The following ANKZF1 variants were observed in gnomAD, a reference collection of about 807,000 sequenced individuals.
ANKZF1 encodes the protein ankyrin repeat and zinc finger peptidyl tRNA hydrolase 1, also known as tRNA endonuclease ANKZF1.
Under a neutral mutation model 86.0 loss-of-function variants are expected in ANKZF1, and 84 were observed. The observed-to-expected ratio is 0.98, with a 90% confidence interval of 0.82 to 1.17. The LOEUF is 1.17. Ranked by LOEUF, ANKZF1 falls within the 50% of genes most tolerant of loss-of-function variation. The pLI, the probability that ANKZF1 is intolerant of heterozygous loss-of-function variation, is 0.00. For missense variants in ANKZF1, 893 were observed against 918.4 expected (o/e 0.97, Z 0.36); for synonymous variants, 331 against 354.2 (o/e 0.93, Z 0.74).
At position 219,234,211 on chromosome 2, in the gene ANKZF1, C is replaced by T; in HGVS notation, c.1127C>T (p.Pro376Leu). 6.2e-7 allele frequency: 1 copy of T among 1,614,066 alleles called. No homozygotes were observed. Among genetic ancestry groups the T allele is most frequent in the Non-Finnish European group, 8.5e-7 (1 of 1,180,022 alleles). ...ACAGTAAGAGAGGAGAGAAAGAAGC[C>T]TACTGAGGAAGAAATAAGAAAGATC... Reference protein sequence around the residue: ...WKTVREERKKPTEEEIRKICR... With the variant: ...WKTVREERKKLTEEEIRKICR... Residue 376 changes from proline (P) to leucine (L), a missense_variant, in exon 9 of 14, where the codon CCT becomes CTT. Physicochemically the swap from Pro to Leu is moderately conservative, Grantham distance 98. Coordinates refer to ENST00000323348, the MANE Select transcript of ANKZF1 (RefSeq NM_018089.3).
At chr2:219,233,657 T>G (rs993698997) in intron 7 of ANKZF1, 58 bp from the exon 8 acceptor site, 6 of 1,533,008 alleles carry the variant, frequency 3.9e-6, no homozygotes, top group Non-Finnish European at 5.3e-6. Flanking sequence ...TTTTTTTTAG[T>G]TGGAGATTTA....
At chr2:219,230,002 T>G in intron 1 of ANKZF1, 102 bp downstream of exon 1, 1 of 398,328 alleles carries the variant, frequency 2.5e-6, no homozygotes, top group Non-Finnish European at 4.5e-6. Flanking sequence ...GATTTTTAAC[T>G]CTGTTGGACT....
Position 219,230,408 on chromosome 2 carries a change from A to G in ANKZF1, c.148+3A>G, listed in dbSNP as rs1553563489. 21 of 1,601,856 alleles carry G rather than the reference A, an allele frequency of 1.3e-5. No homozygotes were observed. Among genetic ancestry groups the G allele is most frequent in the Non-Finnish European group, 1.6e-5 (19 of 1,171,058 alleles). ...GGCTCCGCGTACTTCCTGTTCAGGT[A>G]TCCTGGAAGGTTTCGTGTGAAACGT... On this transcript the variant is annotated splice_donor_region_variant and intron_variant, in intron 2 of 13. Coordinates refer to ENST00000323348, the MANE Select transcript of ANKZF1 (RefSeq NM_018089.3).
chr2:219,230,430 A>G (rs758786412), intron 2 of ANKZF1, 25 bp downstream of exon 2: 1 of 1,589,994 alleles, frequency 6.3e-7, no homozygotes, highest in Admixed American at 1.7e-5. Context: ...TTCGTGTGAA[A>G]CGTGACAGGG....
At chr2:219,230,035 T>C (rs1950981417) in intron 1 of ANKZF1, 135 bp downstream of exon 1, 2 of 482,556 alleles carry the variant, frequency 4.1e-6, no homozygotes, top group Non-Finnish European at 7.3e-6. Flanking sequence ...CGAATGCCTA[T>C]TTCATTCTTT....
rs745427557 is a variant in ANKZF1, at chr2:219,233,477, T to C, written c.819+44T>C. ...ATCTGGTGGTACTGATCCATACTTTTTTTGCATCTCTGTTCAACTCACTGT... is the reference window on the plus strand; with the variant it reads ...ATCTGGTGGTACTGATCCATACTTTCTTTGCATCTCTGTTCAACTCACTGT... On this transcript the variant is annotated intron_variant, in intron 7 of 13. Coordinates refer to ENST00000323348, the MANE Select transcript of ANKZF1 (RefSeq NM_018089.3). 2.2e-5 allele frequency: 33 copies of C among 1,534,632 alleles called. 1 individual carries two copies. The South Asian group carries it at 3.9e-4, about 18-fold the overall frequency.
At chr2:219,236,252 G>C in intron 13 of ANKZF1, 70 bp from the exon 14 acceptor site, 1 of 1,610,570 alleles carries the variant, frequency 6.2e-7, no homozygotes, top group East Asian at 2.2e-5. Flanking sequence ...GGCAGGAGGA[G>C]GGACGGGGAG....
rs376160430 is a variant in ANKZF1 at position 219,233,794 on chromosome 2, G to A, written c.899G>A (p.Arg300His). The A allele has an allele frequency of 2.8e-5, 46 of 1,614,076 alleles. No individual in the cohort carries two copies. Among genetic ancestry groups the A allele is most frequent in the African/African-American group, 4.0e-5 (3 of 75,050 alleles). Residue 300 changes from arginine to histidine, a missense_variant, in exon 8 of 14, where the codon CGC becomes CAC. Coordinates refer to ENST00000323348, the MANE Select transcript of ANKZF1 (RefSeq NM_018089.3). ...EAGTILLRAP[R>H]SGRSLFFGGK... ...GGTACAATACTGTTGCGTGCTCCCC[G>A]CTCTGGCCGGTCTTTGTTCTTTGGA...
At chr2:219,235,924 A>AC in intron 12 of ANKZF1, 49 bp downstream of exon 12, 1 of 1,613,772 alleles carries the variant, frequency 6.2e-7, no homozygotes, top group Non-Finnish European at 8.5e-7. Context: ...TAGAGGTCTA[A>AC]CCCCTTCCCC....
chr2:219,229,955 A>T lies in ANKZF1; in HGVS notation c.-31+55A>T, dbSNP rs1033653867. The T allele has an allele frequency of 1.8e-5, 5 of 283,198 alleles. No individual in the cohort carries two copies. Among genetic ancestry groups the T allele is most frequent in the Non-Finnish European group, 3.4e-5 (5 of 149,214 alleles). 17.5% of individuals were successfully genotyped at this position (283,198 alleles called of 1,614,324 possible). ...ACGCGGGCCAGTTGTTGCTGGTCGC[A>T]TGGGTAACGAAGAAAGTTCGGCTAG... On this transcript the variant is annotated intron_variant, in intron 1 of 13. Transcript: ENST00000323348. The surrounding 1 kb of genome is among the most constrained non-coding windows in gnomAD (Gnocchi z 4.2).
intron 9 of ANKZF1, chr2:219,234,577 G>C: frequency 1.5e-6 from 1 of 653,094 alleles, no homozygotes; most frequent in Non-Finnish European, 2.6e-6. Flanking sequence ...GAGGCTGAGG[G>C]CTGCTTCCAT....
In ANKZF1 at chr2:219,233,201, T is replaced by C; in HGVS notation, c.671+10T>C. 1 of 1,614,132 alleles carries C rather than the reference T, an allele frequency of 6.2e-7. No homozygotes were observed. Among genetic ancestry groups the C allele is most frequent in the Non-Finnish European group, 8.5e-7 (1 of 1,180,000 alleles). On this transcript the variant is annotated intron_variant, in intron 6 of 13. Transcript: ENST00000323348. ...GTGCTATATTTCAAGGGTGAGAGGG[T>C]GCTGCATGGGGGTAAGGATGGAGTG... is the stretch of plus-strand genomic sequence containing the variant.
rs965683702 is a variant in ANKZF1 at position 219,236,523 on chromosome 2, C to T, written c.*78C>T. On this transcript the variant is annotated 3_prime_UTR_variant, in exon 14 of 14. Coordinates refer to ENST00000323348, the MANE Select transcript of ANKZF1 (RefSeq NM_018089.3). Reference sequence around the variant, plus strand: ...CAGCAGCCCTAGGTTTTTTCTTCCCCGTGAAACCAGAGATGATTTGGAAGA... The same window carrying T: ...CAGCAGCCCTAGGTTTTTTCTTCCCTGTGAAACCAGAGATGATTTGGAAGA... 29 of 1,495,218 alleles carry T rather than the reference C, an allele frequency of 1.9e-5. No homozygotes were observed. The highest frequency in any genetic ancestry group is 3.6e-4 in the Middle Eastern group (2 of 5,584). 92.6% of individuals were successfully genotyped at this position (1,495,218 alleles called of 1,614,324 possible).
Position 219,236,039 on chromosome 2 carries a change from T to C in ANKZF1, c.2001T>C (p.Ala667=), listed in dbSNP as rs1368361872. ...CTCTGGCTGCAGAGCGCCGACTCGC[T>C]GCCCAGTTGGGAGCCCCTACCTCTC... The part of the protein sequence containing the change: ...KRALAAERRL[A]AQLGAPTSPI... The change falls in exon 13 of 14, where the codon GCT becomes GCC. Residue 667 remains alanine, a synonymous_variant. Coordinates refer to ENST00000323348, the MANE Select transcript of ANKZF1 (RefSeq NM_018089.3). 1.2e-6 allele frequency: 2 copies of C among 1,614,214 alleles called. No homozygotes were observed. Among genetic ancestry groups the C allele is most frequent in the Admixed American group, 1.7e-5 (1 of 60,020 alleles).
chr2:219,233,142 G>GT lies in ANKZF1; in HGVS notation c.623dup (p.Val209GlyfsTer60), dbSNP rs1951091443. On this transcript the variant is annotated frameshift_variant, in exon 6 of 14. Transcript: ENST00000323348. LOFTEE classifies it high-confidence loss of function. ...GCAAAGTAGAGGTCCCAGAGACTGC[G>GT]TGGTGCTCATGGCTGCAGCTGGGCA... 1 of 1,614,086 alleles carries GT rather than the reference G, an allele frequency of 6.2e-7. No individual in the cohort carries two copies. The highest frequency in any genetic ancestry group is 8.5e-7 in the Non-Finnish European group (1 of 1,180,048).
chr2:219,230,665 C>T (rs1278777335), intron 2 of ANKZF1: 2 of 358,584 alleles, frequency 5.6e-6, no homozygotes, highest in East Asian at 4.6e-5. Context: ...ATAAAATTCT[C>T]AGATGTATTC....
At position 219,233,209 on chromosome 2, in the gene ANKZF1, G is replaced by T; in HGVS notation, c.671+18G>T. On this transcript the variant is annotated intron_variant, in intron 6 of 13. Coordinates refer to ENST00000323348, the MANE Select transcript of ANKZF1 (RefSeq NM_018089.3). The stretch of plus-strand genomic sequence containing the variant: ...TTTCAAGGGTGAGAGGGTGCTGCAT[G>T]GGGGTAAGGATGGAGTGGATCCTGT... The T allele has an allele frequency of 1.2e-6, 2 of 1,614,210 alleles. No individual in the cohort carries two copies. The highest frequency in any genetic ancestry group is 1.7e-6 in the Non-Finnish European group (2 of 1,180,028).
Position 219,233,343 on chromosome 2 carries a change from C to T in ANKZF1, c.729C>T (p.Gly243=), listed in dbSNP as rs1306343872. The change falls in exon 7 of 14, where the codon GGC becomes GGT. Residue 243 remains glycine (G), a synonymous_variant. Coordinates refer to ENST00000323348, the MANE Select transcript of ANKZF1 (RefSeq NM_018089.3). Reference sequence around the variant, plus strand: ...GCTATACGGTTCGGGCCAAGCGGGGCACAGCCCAGGGGCTTCGGGATGCCC... The same window carrying T: ...GCTATACGGTTCGGGCCAAGCGGGGTACAGCCCAGGGGCTTCGGGATGCCC... The part of the protein sequence containing the change: ...FHRYTVRAKR[G]TAQGLRDARG... The T allele has an allele frequency of 6.2e-7, 1 of 1,614,256 alleles. No individual in the cohort carries two copies. The highest frequency in any genetic ancestry group is 8.5e-7 in the Non-Finnish European group (1 of 1,180,042).
chr2:219,232,443 C>T (rs778567947), intron 4 of ANKZF1, 47 bp from the exon 5 acceptor site: 1 of 1,610,660 alleles, frequency 6.2e-7, no homozygotes, highest in South Asian at 1.1e-5. Flanking sequence ...GAGGAAAGAA[C>T]AAAAATGGGG....
Sources: allele counts gnomAD v4.1 joint callset, GRCh38; gene constraint gnomAD v4.1.1; non-coding constraint Gnocchi (gnomAD v3.1); transcripts MANE v1.5; gene names NCBI Gene and HGNC (gene_info 2026-07-23, HGNC 2026-07-21).